KIF3C: variants seen among roughly 807,000 people sequenced by gnomAD.
The protein encoded by KIF3C is kinesin family member 3C.
KIF3C carries 12 observed loss-of-function variants against 67.7 expected under a neutral mutation model. That is an observed-to-expected ratio of 0.18 (90% CI 0.11 to 0.29). KIF3C has a LOEUF of 0.29. Among genes scored for constraint, KIF3C ranks in the 10% least tolerant of loss-of-function variants. The pLI is 1.00. For missense variants in KIF3C, 789 were observed against 1,059.6 expected (o/e 0.74, Z 3.55); for synonymous variants, 393 against 426.2 (o/e 0.92, Z 0.96).
chr2:25,971,409 C>T (rs377175235), intron 1 of KIF3C, among the ~76,000 whole-genome samples: 4 of 150,354 alleles, frequency 2.7e-5, no homozygotes, highest in African/African-American at 9.8e-5. Context: ...CACTGTACTC[C>T]AGCCTGGTGA....
chr2:25,950,372 CA>C (rs1448974422), intron 5 of KIF3C, among the ~76,000 whole-genome samples: 3 of 151,808 alleles, frequency 2.0e-5, no homozygotes, highest in Non-Finnish European at 4.4e-5. Context: ...CGCCTGCCAC[CA>C]CGCCCAGCTA....
At chr2:25,971,994 T>C (rs929733714) in intron 1 of KIF3C, among the ~76,000 whole-genome samples, 4 of 149,220 alleles carry the variant, frequency 2.7e-5, no homozygotes, top group Admixed American at 6.8e-5. Context: ...CCCAATATAC[T>C]GGGATTTCAG....
chr2:25,975,920 T>A (rs1664402045), intron 1 of KIF3C, among the ~76,000 whole-genome samples: 1 of 151,928 alleles, frequency 6.6e-6, no homozygotes, highest in South Asian at 2.1e-4. Flanking sequence ...ATCACGCCAC[T>A]GCACTCCAGC....
At chr2:25,954,121 G>A (rs1237197875) in intron 4 of KIF3C, 146 bp downstream of exon 4, 1 of 688,188 alleles carries the variant, frequency 1.5e-6, no homozygotes, top group East Asian at 2.5e-5. Flanking sequence ...CCAGCACGTG[G>A]GCCCATCCCT....
chr2:25,978,606 C>T (rs1053522697), intron 1 of KIF3C, among the ~76,000 whole-genome samples: 3 of 152,048 alleles, frequency 2.0e-5, no homozygotes, highest in Non-Finnish European at 4.4e-5. Flanking sequence ...TCATCTGTGC[C>T]CCATACTGCC....
intron 1 of KIF3C, among the ~76,000 whole-genome samples, chr2:25,959,551 T>C (rs747478531): frequency 6.6e-6 from 1 of 152,100 alleles, no homozygotes; most frequent in Non-Finnish European, 1.5e-5. Context: ...GCGATTCTCC[T>C]GCCTCAGCCT....
intron 5 of KIF3C, among the ~76,000 whole-genome samples, chr2:25,950,933 G>A (rs1406777516): frequency 2.0e-5 from 3 of 151,202 alleles, no homozygotes; most frequent in African/African-American, 4.9e-5. Flanking sequence ...AAGGAAGAAA[G>A]GAAAAAAAAA....
intron 5 of KIF3C, among the ~76,000 whole-genome samples, chr2:25,936,123 T>C (rs1419745801): frequency 6.6e-6 from 1 of 151,838 alleles, no homozygotes; most frequent in Admixed American, 6.6e-5. Flanking sequence ...ACAAAAAAAT[T>C]TGTGTGTGGC....
At chr2:25,967,227 T>C (rs1664165153) in intron 1 of KIF3C, among the ~76,000 whole-genome samples, 1 of 152,046 alleles carries the variant, frequency 6.6e-6, no homozygotes, top group African/African-American at 2.4e-5. Context: ...CTGAGATAAG[T>C]GGGTTAGAGC....
chr2:25,954,094 A>G (rs1208540600), intron 4 of KIF3C, 173 bp downstream of exon 4: 4 of 654,624 alleles, frequency 6.1e-6, no homozygotes, highest in Non-Finnish European at 1.1e-5. Context: ...ATACAGGCAG[A>G]GGAGGTAGAA....
At position 25,981,803 on chromosome 2, in the gene KIF3C, G is replaced by C. The variant is rs1335333853; in HGVS notation, c.115C>G (p.Leu39Val). The C allele has an allele frequency of 6.2e-7, 1 of 1,613,342 alleles. No individual in the cohort carries two copies. The change falls in exon 1 of 8, where the codon CTG (leucine) becomes GTG (valine). Residue 39 changes from leucine (L) to valine (V), a missense_variant. Transcript: ENST00000264712. The surrounding 1 kb of genome is among the most constrained non-coding windows in gnomAD (Gnocchi z 8.2). ...HEQILTMDVK[L>V]GQVTLRNPRA... ...GGGTTCCGCAGGGTCACCTGGCCCA[G>C]TTTCACGTCCATGGTCAGGATCTGC...
At chr2:25,961,445 T>C (rs1388224898) in intron 1 of KIF3C, among the ~76,000 whole-genome samples, 1 of 152,214 alleles carries the variant, frequency 6.6e-6, no homozygotes, top group Non-Finnish European at 1.5e-5. Flanking sequence ...TTCTAGCCTA[T>C]GTGAGCTGAC....
At chr2:25,976,686 G>A (rs1325161894) in intron 1 of KIF3C, among the ~76,000 whole-genome samples, 3 of 152,118 alleles carry the variant, frequency 2.0e-5, no homozygotes, top group East Asian at 1.9e-4. Flanking sequence ...CCTTGAACCC[G>A]GGAGGCAGGG....
At chr2:25,930,192 C>T in intron 5 of KIF3C, 129 bp from the exon 6 acceptor site, 1 of 698,906 alleles carries the variant, frequency 1.4e-6, no homozygotes, top group Non-Finnish European at 2.5e-6. Context: ...ATTTTCTTCT[C>T]CTTGCTCTAA....
At chr2:25,952,563 ATTTT>A (rs371570181) in intron 4 of KIF3C, among the ~76,000 whole-genome samples, 1 of 103,662 alleles carries the variant, frequency 9.6e-6, no homozygotes, top group African/African-American at 4.1e-5. Flanking sequence ...ATATATATAT[ATTTT>A]TTTTTTTTTG....
rs769028665 is a variant in KIF3C at position 25,954,292 on chromosome 2, C to G, written c.1864G>C (p.Glu622Gln). ...VRQDLEEAQNEQTRELKLKYL... is the reference protein window; with the variant it reads ...VRQDLEEAQNQQTRELKLKYL... ...TTGAGCTTGAGTTCGCGGGTCTGCT[C>G]GTTCTGCGCCTCCTCCAGGTCCTGC... Residue 622 changes from glutamate (E) to glutamine (Q), a missense_variant, in exon 4 of 8, where the codon GAG becomes CAG. By Grantham distance (29) the Glu-to-Gln change is conservative. Coordinates refer to ENST00000264712, the MANE Select transcript of KIF3C (RefSeq NM_002254.8). The G allele has an allele frequency of 1.1e-5, 17 of 1,614,066 alleles. No individual in the cohort carries two copies. In the South Asian group the frequency reaches 1.8e-4, roughly 17 times the overall value.
At chr2:25,968,171 T>C (rs1393464499) in intron 1 of KIF3C, among the ~76,000 whole-genome samples, 2 of 152,150 alleles carry the variant, frequency 1.3e-5, no homozygotes, top group Admixed American at 6.5e-5. Flanking sequence ...CATTTTCAGA[T>C]GAATAATGCT....
At position 25,954,277 on chromosome 2, in the gene KIF3C, G is replaced by A; in HGVS notation, c.1879C>T (p.Leu627Phe). 2 of 1,613,736 alleles carry A rather than the reference G, an allele frequency of 1.2e-6. No homozygotes were observed. The highest frequency in any genetic ancestry group is 1.7e-6 in the Non-Finnish European group (2 of 1,179,632). ...AGCTGCGGGCCCTACTTGAGCTTGA[G>A]TTCGCGGGTCTGCTCGTTCTGCGCC... ...EEAQNEQTRE[L>F]KLKYLIIENF... is the part of the protein sequence containing the mutation. Residue 627 changes from leucine (L) to phenylalanine (F), a missense_variant, in exon 4 of 8, where the codon CTC becomes TTC. Coordinates refer to ENST00000264712, the MANE Select transcript of KIF3C (RefSeq NM_002254.8).
At chr2:25,963,174 G>GTATATATATATATATATATATA (rs1553716012) in intron 1 of KIF3C, among the ~76,000 whole-genome samples, 1 of 34,306 alleles carries the variant, frequency 2.9e-5, no homozygotes, top group African/African-American at 1.7e-4. Flanking sequence ...ATGTGTGTGT[G>GTATATATATATATATATATATA]TATATATATA....
Sources: allele counts gnomAD v4.1 joint callset (sites outside exome capture counted in the v4.1 genomes callset), GRCh38; gene constraint gnomAD v4.1.1; non-coding constraint Gnocchi (gnomAD v3.1); transcripts MANE v1.5; gene names NCBI Gene and HGNC (gene_info 2026-07-23, HGNC 2026-07-21).